The following RAPGEF2 variants were observed in gnomAD, a reference collection of about 807,000 sequenced individuals.
RAPGEF2 encodes Rap guanine nucleotide exchange factor 2.
Under a neutral mutation model 186.7 loss-of-function variants are expected in RAPGEF2, and 54 were observed. The ratio of observed to expected loss-of-function variants is 0.29; its 90% confidence interval spans 0.23 to 0.36. The LOEUF is 0.36. RAPGEF2 is among the 10% of genes least tolerant of loss of function. The pLI is 1.00. For synonymous variants in RAPGEF2, 712 were observed against 705.9 expected, an observed-to-expected ratio of 1.01 and a Z score of -0.14; for missense variants, 1,532 against 2,045.0, an observed-to-expected ratio of 0.75 and a Z score of 4.84.
rs965784773 is a variant in RAPGEF2, at chr4:159,353,202, A to C, written c.4092-285A>C. ...GTTTCGTATGAGCTGCCTTCCTGAA[A>C]TAATCAAATTATATTGAGCCACCCT... On this transcript the variant is annotated intron_variant, in intron 27 of 29. Coordinates refer to ENST00000691494, the MANE Select transcript of RAPGEF2 (RefSeq NM_001394067.2). The surrounding 1 kb of genome is among the most constrained non-coding windows in gnomAD (Gnocchi z 4.3). Among the ~76,000 whole-genome samples the C allele has an allele frequency of 6.6e-6, 1 of 151,956 alleles. No homozygotes were observed. Among genetic ancestry groups the C allele is most frequent in the Non-Finnish European group, 1.5e-5 (1 of 68,022 alleles).
chr4:159,117,201 G>T (rs1739141650), intron 1 of RAPGEF2, among the ~76,000 whole-genome samples: 2 of 152,168 alleles, frequency 1.3e-5, no homozygotes, highest in African/African-American at 4.8e-5. Context: ...GGAGGAATTT[G>T]ATAGCATTTC....
chr4:159,216,879 G>C (rs1751038781), intron 4 of RAPGEF2, among the ~76,000 whole-genome samples: 2 of 152,080 alleles, frequency 1.3e-5, no homozygotes, highest in Admixed American at 1.3e-4. Flanking sequence ...ATTACAGCTG[G>C]CAGTTATAAT....
At chr4:159,113,557 A>G (rs1222813443) in intron 1 of RAPGEF2, among the ~76,000 whole-genome samples, 2 of 152,042 alleles carry the variant, frequency 1.3e-5, no homozygotes, top group African/African-American at 2.4e-5. Flanking sequence ...CCTGGCCAAC[A>G]TGGCGAAACC....
chr4:159,337,910 A>AAAAG lies in RAPGEF2; in HGVS notation c.2136-393_2136-390dup, dbSNP rs1377836318. On this transcript the variant is annotated intron_variant, in intron 17 of 29. Transcript: ENST00000691494. ...ATCTCAAAAAAAAAAAAAAAAAAAA[A>AAAAG]AAAGAAAGAAAAACCATAGGTTTTA... Among the ~76,000 whole-genome samples, 339 of 143,074 alleles carry AAAAG rather than the reference A, an allele frequency of 2.4e-3. 1 individual carries two copies. The highest frequency in any genetic ancestry group is 7.5e-3 in the African/African-American group (273 of 36,588). 93.9% of individuals were successfully genotyped at this position (143,074 alleles called of 152,430 possible).
intron 4 of RAPGEF2, among the ~76,000 whole-genome samples, chr4:159,218,787 A>G (rs543675458): frequency 5.3e-5 from 8 of 152,144 alleles, no homozygotes; most frequent in East Asian, 1.9e-4. Context: ...CTTGAAAACC[A>G]TAAGACTTTA....
At chr4:159,308,298 G>A (rs1763549906) in intron 8 of RAPGEF2, among the ~76,000 whole-genome samples, 1 of 152,184 alleles carries the variant, frequency 6.6e-6, no homozygotes, top group Admixed American at 6.5e-5. Flanking sequence ...TAGCCTGTAA[G>A]TATATATCCA....
chr4:159,189,237 G>C (rs1032915230), intron 2 of RAPGEF2, among the ~76,000 whole-genome samples: 2 of 152,140 alleles, frequency 1.3e-5, no homozygotes, highest in African/African-American at 4.8e-5. Context: ...AGCAACATTC[G>C]TGTTCTCCTG....
chr4:159,261,431 G>A lies in RAPGEF2; in HGVS notation c.543+17640G>A, dbSNP rs546788716. Among the ~76,000 whole-genome samples, 10 of 152,256 alleles carry A rather than the reference G, an allele frequency of 6.6e-5. No homozygotes were observed. The East Asian group carries it at 1.5e-3, about 23-fold the overall frequency. On this transcript the variant is annotated intron_variant, in intron 7 of 29. Transcript: ENST00000691494. ...AACAGTTATTATTTATTATAGGAAA[G>A]GGCTAATTATTAGGAAACTATTATG... is the stretch of plus-strand genomic sequence containing the variant.
intron 1 of RAPGEF2, among the ~76,000 whole-genome samples, chr4:159,104,553 A>AGACAGAGAGAGAGAGAGAGT (rs1553991869): frequency 7.4e-6 from 1 of 136,026 alleles, no homozygotes; most frequent in African/African-American, 2.9e-5. Context: ...AGAGAGAGAG[A>AGACAGAGAGAGAGAGAGAGT]GTGTGTGTGT....
chr4:159,162,142 T>C (rs185409378), intron 1 of RAPGEF2, among the ~76,000 whole-genome samples: 1 of 149,994 alleles, frequency 6.7e-6, no homozygotes, highest in Admixed American at 6.7e-5. Flanking sequence ...CCCAGCACTT[T>C]GGGAGGCTGA....
intron 1 of RAPGEF2, among the ~76,000 whole-genome samples, chr4:159,156,834 A>C (rs993214543): frequency 1.3e-5 from 2 of 152,030 alleles, no homozygotes; most frequent in African/African-American, 4.8e-5. Flanking sequence ...ATTAAGAAAA[A>C]CCCCCAAACC....
intron 1 of RAPGEF2, among the ~76,000 whole-genome samples, chr4:159,171,897 C>T (rs999206204): frequency 5.3e-5 from 8 of 152,038 alleles, no homozygotes; most frequent in African/African-American, 1.9e-4. Context: ...GACCATTGCC[C>T]TTCATACTAC....
chr4:159,125,883 G>A (rs1249803341), intron 1 of RAPGEF2, among the ~76,000 whole-genome samples: 1 of 152,160 alleles, frequency 6.6e-6, no homozygotes, highest in Non-Finnish European at 1.5e-5. Flanking sequence ...TTACTTAGTT[G>A]AGAGCATTTG....
intron 7 of RAPGEF2, among the ~76,000 whole-genome samples, chr4:159,297,372 C>G (rs1339329955): frequency 6.6e-6 from 1 of 152,060 alleles, no homozygotes; most frequent in Non-Finnish European, 1.5e-5. Context: ...ATGTCTGTGC[C>G]AAATGCATAT....
intron 7 of RAPGEF2, chr4:159,268,228 A>G (rs371466774): frequency 3.8e-5 from 59 of 1,556,974 alleles, no homozygotes; most frequent in Non-Finnish European, 5.0e-5. Context: ...AAGTATCGCA[A>G]ATGCTGCTTG....
At chr4:159,221,193 A>G (rs1751510188) in intron 4 of RAPGEF2, among the ~76,000 whole-genome samples, 1 of 152,210 alleles carries the variant, frequency 6.6e-6, no homozygotes, top group Non-Finnish European at 1.5e-5. Context: ...TCTCTCACAG[A>G]AAAGGACCCT....
intron 7 of RAPGEF2, among the ~76,000 whole-genome samples, chr4:159,246,097 A>T (rs1167877091): frequency 6.6e-6 from 1 of 152,120 alleles, no homozygotes; most frequent in Non-Finnish European, 1.5e-5. Context: ...AATGATGAAA[A>T]CTTATTGGTC....
chr4:159,187,234 A>G (rs1747651181), intron 2 of RAPGEF2, among the ~76,000 whole-genome samples: 1 of 152,114 alleles, frequency 6.6e-6, no homozygotes, highest in East Asian at 1.9e-4. Flanking sequence ...ATATTTTGAC[A>G]TTTCTGTCAT....
chr4:159,295,422 G>A (rs1368051502), intron 7 of RAPGEF2, among the ~76,000 whole-genome samples: 2 of 152,158 alleles, frequency 1.3e-5, no homozygotes, highest in Non-Finnish European at 2.9e-5. Flanking sequence ...GTGTATGTAT[G>A]TGTATTTGAA....
Sources: allele counts gnomAD v4.1 joint callset (sites outside exome capture counted in the v4.1 genomes callset), GRCh38; gene constraint gnomAD v4.1.1; non-coding constraint Gnocchi (gnomAD v3.1); transcripts MANE v1.5; gene names NCBI Gene and HGNC (gene_info 2026-07-23, HGNC 2026-07-21).